Variants in PPP4R3B observed in about 807,000 individuals in gnomAD.
PPP4R3B encodes the protein serine/threonine-protein phosphatase 4 regulatory subunit 3B.
Under a neutral mutation model 95.4 loss-of-function variants are expected in PPP4R3B, and 52 were observed. The ratio of observed to expected loss-of-function variants is 0.54; its 90% confidence interval spans 0.44 to 0.69. PPP4R3B has a LOEUF of 0.69. Among genes scored for constraint, PPP4R3B ranks in the 30% least tolerant of loss-of-function variants. PPP4R3B has a pLI of 0.00. For synonymous variants in PPP4R3B, 407 were observed against 343.9 expected (o/e 1.18, Z -2.03); for missense variants, 1,003 against 1,005.9 (o/e 1.00, Z 0.04).
At chr2:55,555,550 C>T (rs1296365539) in intron 16 of PPP4R3B, among the ~76,000 whole-genome samples, 1 of 151,964 alleles carries the variant, frequency 6.6e-6, no homozygotes, top group African/African-American at 2.4e-5. Context: ...CCCATCTCTA[C>T]TGAAAATACA....
At chr2:55,559,918 T>C (rs1011450806) in intron 15 of PPP4R3B, among the ~76,000 whole-genome samples, 7 of 151,844 alleles carry the variant, frequency 4.6e-5, no homozygotes, top group Non-Finnish European at 8.8e-5. Flanking sequence ...GGTCAGGAGT[T>C]CAAGATCAGC....
chr2:55,608,444 T>C (rs942065044), intron 2 of PPP4R3B, among the ~76,000 whole-genome samples: 2 of 152,252 alleles, frequency 1.3e-5, no homozygotes, highest in African/African-American at 4.8e-5. Flanking sequence ...TTCTTCTTCC[T>C]GATTACCAAT....
intron 1 of PPP4R3B, 21 bp from the exon 2 acceptor site, chr2:55,615,527 C>T (rs1448588509): frequency 1.3e-5 from 20 of 1,491,810 alleles, no homozygotes; most frequent in Non-Finnish European, 1.8e-5. Flanking sequence ...AAAAATAATA[C>T]ATCATAAGTC....
intron 13 of PPP4R3B, among the ~76,000 whole-genome samples, chr2:55,565,303 A>ATT (rs1170867548): frequency 2.1e-4 from 27 of 128,952 alleles, no homozygotes; most frequent in African/African-American, 8.7e-4. Context: ...TACATCTTCT[A>ATT]TTTTTTGTAT....
chr2:55,595,530 C>A (rs961571525), intron 4 of PPP4R3B, among the ~76,000 whole-genome samples: 1 of 151,482 alleles, frequency 6.6e-6, no homozygotes, highest in Non-Finnish European at 1.5e-5. Context: ...TTTATGAATT[C>A]ATTTTAAAAT....
At chr2:55,613,592 ATCAC>A (rs1694493965) in intron 2 of PPP4R3B, among the ~76,000 whole-genome samples, 1 of 152,186 alleles carries the variant, frequency 6.6e-6, no homozygotes, top group African/African-American at 2.4e-5. Context: ...TATTCACAGA[ATCAC>A]TATGTATTTT....
chr2:55,573,020 T>C (rs888124075), intron 12 of PPP4R3B, among the ~76,000 whole-genome samples: 2 of 152,150 alleles, frequency 1.3e-5, no homozygotes, highest in Admixed American at 1.3e-4. Context: ...GTTTATTACA[T>C]AAATTGGTAC....
chr2:55,560,007 AG>A (rs1686386023), intron 15 of PPP4R3B, among the ~76,000 whole-genome samples: 1 of 152,162 alleles, frequency 6.6e-6, no homozygotes, highest in African/African-American at 2.4e-5. Context: ...CTATAATCCC[AG>A]CTGCTCTGGT....
intron 2 of PPP4R3B, among the ~76,000 whole-genome samples, chr2:55,612,870 C>T (rs577140270): frequency 1.8e-3 from 268 of 151,440 alleles, no homozygotes; most frequent in Non-Finnish European, 2.8e-3. Flanking sequence ...GGTGTGAACC[C>T]GGGAGGCGAA....
chr2:55,557,956 G>A (rs1056050223), intron 16 of PPP4R3B, among the ~76,000 whole-genome samples: 1 of 151,960 alleles, frequency 6.6e-6, no homozygotes, highest in African/African-American at 2.4e-5. Context: ...AAGATTCATC[G>A]ACAATAATAT....
At chr2:55,595,182 C>T (rs918749678) in intron 4 of PPP4R3B, among the ~76,000 whole-genome samples, 3 of 151,966 alleles carry the variant, frequency 2.0e-5, no homozygotes, top group Non-Finnish European at 2.9e-5. Flanking sequence ...TGCCACTGTG[C>T]CTGGCTAATT....
At chr2:55,617,073 C>T in intron 1 of PPP4R3B, 71 bp downstream of exon 1, 1 of 1,501,574 alleles carries the variant, frequency 6.7e-7, no homozygotes, top group Non-Finnish European at 8.9e-7. Context: ...GTAACGGGCC[C>T]AGGGCCCTAA....
At chr2:55,603,494 A>G (rs893774000) in intron 3 of PPP4R3B, among the ~76,000 whole-genome samples, 1 of 152,190 alleles carries the variant, frequency 6.6e-6, no homozygotes, top group South Asian at 2.1e-4. Flanking sequence ...CTAAAACAAA[A>G]GGTTTCTTTT....
intron 11 of PPP4R3B, among the ~76,000 whole-genome samples, chr2:55,576,552 C>T (rs562646980): frequency 1.3e-5 from 2 of 151,864 alleles, no homozygotes; most frequent in East Asian, 1.9e-4. Context: ...ACCACCCTGG[C>T]TAACACGGTG....
intron 1 of PPP4R3B, 70 bp downstream of exon 1, chr2:55,617,074 A>AG: frequency 1.3e-6 from 2 of 1,500,334 alleles, no homozygotes; most frequent in South Asian, 2.6e-5. Flanking sequence ...TAACGGGCCC[A>AG]GGGCCCTAAA....
At chr2:55,580,340 C>G (rs532157487) in intron 8 of PPP4R3B, among the ~76,000 whole-genome samples, 1 of 152,242 alleles carries the variant, frequency 6.6e-6, no homozygotes, top group Non-Finnish European at 1.5e-5. Flanking sequence ...CACTATTGAT[C>G]CCATTTGTCT....
intron 16 of PPP4R3B, among the ~76,000 whole-genome samples, 196 bp downstream of exon 16, chr2:55,558,579 G>A (rs1400563906): frequency 6.6e-6 from 1 of 152,118 alleles, no homozygotes; most frequent in African/African-American, 2.4e-5. Flanking sequence ...CTGCACTCCA[G>A]CCTGGCGACA....
Position 55,617,324 on chromosome 2 carries a change from C to A in PPP4R3B, c.-39G>T, listed in dbSNP as rs201274441. On this transcript the variant is annotated 5_prime_UTR_variant, in exon 1 of 17. Coordinates refer to ENST00000616407, the MANE Select transcript of PPP4R3B (RefSeq NM_001122964.3). ...TCCACCGCTCTAGCCGCCGCCTCCT[C>A]GCTTACCTCGTCCGCGCTCCTCACT... The A allele has an allele frequency of 1.5e-3, 2,247 of 1,541,686 alleles. 4 individuals carry two copies. Among genetic ancestry groups the A allele is most frequent in the Non-Finnish European group, 1.9e-3 (2,177 of 1,139,120 alleles).
At chr2:55,572,105 C>T (rs1688081755) in intron 12 of PPP4R3B, among the ~76,000 whole-genome samples, 1 of 152,188 alleles carries the variant, frequency 6.6e-6, no homozygotes, top group Non-Finnish European at 1.5e-5. Flanking sequence ...ATTTCAAACA[C>T]TCTCATTTCA....
Sources: allele counts gnomAD v4.1 joint callset (sites outside exome capture counted in the v4.1 genomes callset), GRCh38; gene constraint gnomAD v4.1.1; transcripts MANE v1.5; gene names NCBI Gene and HGNC (gene_info 2026-07-23, HGNC 2026-07-21).